SKAP2: variants seen among roughly 807,000 people sequenced by gnomAD.
SKAP2 encodes src kinase associated phosphoprotein 2, also known as src kinase-associated phosphoprotein 2.
A neutral mutation model predicts 54.9 loss-of-function variants in SKAP2; 28 were observed. That is an observed-to-expected ratio of 0.51 (90% CI 0.38 to 0.70). The LOEUF is 0.70. Among genes scored for constraint, SKAP2 ranks in the 30% least tolerant of loss-of-function variants. The pLI is 0.00. For synonymous variants in SKAP2, 137 were observed against 134.3 expected (o/e 1.02, Z -0.14); for missense variants, 356 against 424.1 (o/e 0.84, Z 1.41).
chr7:26,686,124 A>G (rs1323177468), intron 10 of SKAP2, among the ~76,000 whole-genome samples: 1 of 152,170 alleles, frequency 6.6e-6, no homozygotes, highest in African/African-American at 2.4e-5. Flanking sequence ...GTTTACTAGA[A>G]AATTTTAAAA....
intron 9 of SKAP2, among the ~76,000 whole-genome samples, chr7:26,701,554 G>A (rs1787023362): frequency 6.6e-6 from 1 of 151,990 alleles, no homozygotes; most frequent in Admixed American, 6.6e-5. Context: ...CCAATATGGT[G>A]AAACCCCATC....
intron 4 of SKAP2, among the ~76,000 whole-genome samples, chr7:26,793,021 C>T (rs545895027): frequency 3.9e-5 from 6 of 152,084 alleles, no homozygotes; most frequent in African/African-American, 4.8e-5. Flanking sequence ...CTTTAAGAAA[C>T]GAATTCTTTT....
At chr7:26,728,733 A>G (rs1364732472) in intron 6 of SKAP2, among the ~76,000 whole-genome samples, 1 of 152,128 alleles carries the variant, frequency 6.6e-6, no homozygotes, top group Non-Finnish European at 1.5e-5. Flanking sequence ...AATGTTCACT[A>G]CGAAAAGTGG....
At chr7:26,843,136 C>T (rs1784852267) in intron 4 of SKAP2, among the ~76,000 whole-genome samples, 1 of 152,060 alleles carries the variant, frequency 6.6e-6, no homozygotes, top group Admixed American at 6.6e-5. Context: ...ATCTGGATAA[C>T]ATAAAATGTG....
intron 4 of SKAP2, among the ~76,000 whole-genome samples, chr7:26,768,553 G>A (rs1172492898): frequency 2.6e-5 from 4 of 152,112 alleles, no homozygotes; most frequent in African/African-American, 7.2e-5. Flanking sequence ...TCATAGTGTC[G>A]ATGGTCTTTA....
At chr7:26,680,927 GAAA>G (rs3216228) in intron 11 of SKAP2, among the ~76,000 whole-genome samples, 1 of 138,816 alleles carries the variant, frequency 7.2e-6, no homozygotes, top group Non-Finnish European at 1.6e-5. Flanking sequence ...TGCACCAGAA[GAAA>G]AAAAAAAATA....
At chr7:26,720,245 C>A (rs1003997195) in intron 9 of SKAP2, among the ~76,000 whole-genome samples, 5 of 152,164 alleles carry the variant, frequency 3.3e-5, no homozygotes, top group African/African-American at 1.2e-4. Context: ...GTTTTGTGTG[C>A]ACACAGATAT....
intron 4 of SKAP2, among the ~76,000 whole-genome samples, chr7:26,781,701 C>A (rs10250223): frequency 0.3 from 45,484 of 152,042 alleles, 7,095 homozygotes; most frequent in Middle Eastern, 0.37. Context: ...TTGATACCTC[C>A]CTTTGCTAAA....
At position 26,667,145 on chromosome 7, in the gene SKAP2, A is replaced by G. The variant is rs1786118240; in HGVS notation, c.*2521T>C. 6.6e-6 allele frequency: 1 copy of G among 152,216 alleles called. No individual in the cohort carries two copies. The highest frequency in any genetic ancestry group is 2.4e-5 in the African/African-American group (1 of 41,464). 9.4% of individuals were successfully genotyped at this position (152,216 alleles called of 1,614,324 possible). ...TTATTGTAAGATCTAATGGCAATAG[A>G]GTACAAATTCAGTACAGAGCAAATA... On this transcript the variant is annotated 3_prime_UTR_variant, in exon 13 of 13. Transcript: ENST00000345317.
chr7:26,791,946 A>G (rs948432889), intron 4 of SKAP2, among the ~76,000 whole-genome samples: 1 of 152,246 alleles, frequency 6.6e-6, no homozygotes, highest in Non-Finnish European at 1.5e-5. Context: ...GAATTAAAAC[A>G]TCCATCATTA....
intron 4 of SKAP2, among the ~76,000 whole-genome samples, chr7:26,791,156 A>G (rs1047331495): frequency 2.6e-5 from 4 of 152,236 alleles, no homozygotes; most frequent in African/African-American, 9.6e-5. Context: ...GCATTATCAT[A>G]TCACATATTT....
chr7:26,717,875 A>T (rs1441387055), intron 9 of SKAP2, among the ~76,000 whole-genome samples: 1 of 151,728 alleles, frequency 6.6e-6, no homozygotes, highest in Non-Finnish European at 1.5e-5. Flanking sequence ...TTAAAAAATT[A>T]AAAAATATTT....
intron 3 of SKAP2, among the ~76,000 whole-genome samples, chr7:26,846,589 G>C (rs1784925648): frequency 6.6e-6 from 1 of 152,110 alleles, no homozygotes; most frequent in Admixed American, 6.5e-5. Context: ...TACACAAACT[G>C]ATCACTAACA....
At chr7:26,786,289 G>A (rs1405898882) in intron 4 of SKAP2, among the ~76,000 whole-genome samples, 2 of 152,056 alleles carry the variant, frequency 1.3e-5, no homozygotes, top group African/African-American at 4.8e-5. Flanking sequence ...CTACAATTAG[G>A]GATACAGTGT....
chr7:26,733,045 C>T (rs750835103), intron 6 of SKAP2, among the ~76,000 whole-genome samples: 25 of 151,788 alleles, frequency 1.6e-4, no homozygotes, highest in Non-Finnish European at 2.5e-4. Context: ...GCAGAAGAAT[C>T]GCTTGAACCC....
intron 9 of SKAP2, among the ~76,000 whole-genome samples, chr7:26,709,727 A>T (rs183066027): frequency 1.3e-5 from 2 of 152,202 alleles, no homozygotes; most frequent in African/African-American, 4.8e-5. Context: ...GATCTACTTT[A>T]CCTGTGTTAA....
In SKAP2 at chr7:26,805,454, G is replaced by A. The variant is rs78704856; in HGVS notation, c.307+38576C>T. Among the ~76,000 whole-genome samples the A allele has an allele frequency of 5.0e-3, 755 of 152,270 alleles. 9 individuals carry two copies. The highest frequency in any genetic ancestry group is 0.018 in the African/African-American group (728 of 41,568). ...TCAACTTCACCCATTTGATTCTAAAGGACAGAATGTGGCTAAAGTGATGCT... is the reference window on the plus strand; with the variant it reads ...TCAACTTCACCCATTTGATTCTAAAAGACAGAATGTGGCTAAAGTGATGCT... On this transcript the variant is annotated intron_variant, in intron 4 of 12. Coordinates refer to ENST00000345317, the MANE Select transcript of SKAP2 (RefSeq NM_003930.5).
intron 9 of SKAP2, among the ~76,000 whole-genome samples, chr7:26,696,081 T>TA (rs1786888792): frequency 6.6e-6 from 1 of 152,160 alleles, no homozygotes; most frequent in Admixed American, 6.5e-5. Flanking sequence ...GATTCACAAT[T>TA]ATGACAGCAA....
At chr7:26,672,130 T>C (rs1295649475) in intron 11 of SKAP2, among the ~76,000 whole-genome samples, 2 of 152,036 alleles carry the variant, frequency 1.3e-5, no homozygotes, top group Non-Finnish European at 2.9e-5. Context: ...AGACATATTA[T>C]TGGCATAAAC....
Sources: allele counts gnomAD v4.1 joint callset (sites outside exome capture counted in the v4.1 genomes callset), GRCh38; gene constraint gnomAD v4.1.1; transcripts MANE v1.5; gene names NCBI Gene and HGNC (gene_info 2026-07-23, HGNC 2026-07-21).